Variants in TMEM117 observed in about 807,000 individuals in gnomAD.
TMEM117 encodes the protein transmembrane protein 117.
A neutral mutation model predicts 52.4 loss-of-function variants in TMEM117; 27 were observed. That is an observed-to-expected ratio of 0.51 (90% CI 0.38 to 0.71). TMEM117 has a LOEUF of 0.71. Among genes scored for constraint, TMEM117 ranks in the 30% least tolerant of loss-of-function variants. The probability of loss-of-function intolerance (pLI) is 0.00; values close to 1 mark genes in which losing one functional copy is unlikely to be tolerated. For synonymous variants in TMEM117, 215 were observed against 206.3 expected, an observed-to-expected ratio of 1.04 and a Z score of -0.36; for missense variants, 556 against 630.5, an observed-to-expected ratio of 0.88 and a Z score of 1.26.
At chr12:44,079,913 G>A (rs1252896769) in intron 3 of TMEM117, among the ~76,000 whole-genome samples, 5 of 151,060 alleles carry the variant, frequency 3.3e-5, no homozygotes, top group Non-Finnish European at 5.9e-5. Flanking sequence ...AGCCACTCAA[G>A]AGGCTGAGGT....
rs79701686 is a variant in TMEM117, at chr12:44,042,142, A to G, written c.410+97800A>G. Among the ~76,000 whole-genome samples, 1,398 of 152,334 alleles carry G rather than the reference A, an allele frequency of 9.2e-3. 23 individuals carry two copies. Among genetic ancestry groups the G allele is most frequent in the African/African-American group, 0.032 (1,317 of 41,576 alleles). On this transcript the variant is annotated intron_variant, in intron 3 of 7. Transcript: ENST00000266534. The stretch of plus-strand genomic sequence containing the variant: ...CATAGATCTGATGTACAACTTCAGC[A>G]AAGTTTCAAGATACAAGATCAGTGT...
chr12:43,951,967 C>A (rs1945231008), intron 3 of TMEM117, among the ~76,000 whole-genome samples: 1 of 152,202 alleles, frequency 6.6e-6, no homozygotes, highest in Admixed American at 6.5e-5. Flanking sequence ...TGCTGTTCTG[C>A]AGCCTCCACT....
chr12:44,373,860 C>T (rs1324715238), intron 6 of TMEM117, among the ~76,000 whole-genome samples: 3 of 129,398 alleles, frequency 2.3e-5, no homozygotes, highest in Non-Finnish European at 4.7e-5. Context: ...CGGCTCACTA[C>T]AACCTCCGTC....
chr12:44,366,723 A>G (rs1951794699), intron 6 of TMEM117, among the ~76,000 whole-genome samples: 1 of 152,154 alleles, frequency 6.6e-6, no homozygotes, highest in Non-Finnish European at 1.5e-5. Flanking sequence ...TTGTTTCAGA[A>G]CCTGAAGTCT....
chr12:44,348,936 T>C (rs1951527267), intron 6 of TMEM117, among the ~76,000 whole-genome samples: 3 of 152,006 alleles, frequency 2.0e-5, no homozygotes, highest in African/African-American at 7.2e-5. Flanking sequence ...GTCAGAGAGA[T>C]GATTCCTTTA....
At chr12:44,075,773 A>G (rs750532406) in intron 3 of TMEM117, among the ~76,000 whole-genome samples, 14 of 152,154 alleles carry the variant, frequency 9.2e-5, no homozygotes, top group Non-Finnish European at 2.1e-4. Flanking sequence ...GGGGGAAATT[A>G]TAGTACTCTT....
intron 4 of TMEM117, among the ~76,000 whole-genome samples, chr12:44,162,698 C>T (rs1258010454): frequency 1.3e-5 from 2 of 152,132 alleles, no homozygotes; most frequent in Non-Finnish European, 2.9e-5. Flanking sequence ...TGAATGAATA[C>T]TGATGATGCA....
In TMEM117 at chr12:44,130,275, T is replaced by C. The variant is rs1438709827; in HGVS notation, c.411-13250T>C. Among the ~76,000 whole-genome samples, 3 of 152,184 alleles carry C rather than the reference T, an allele frequency of 2.0e-5. No homozygotes were observed. In the East Asian group the frequency reaches 5.8e-4, roughly 29 times the overall value. On this transcript the variant is annotated intron_variant, in intron 3 of 7. Coordinates refer to ENST00000266534, the MANE Select transcript of TMEM117 (RefSeq NM_032256.3). ...TTATAAAATATTATTAAGTGGACAC[T>C]CATGTTGCTCATGTTATCATCACTG... is the stretch of plus-strand genomic sequence containing the variant.
chr12:44,021,037 C>G (rs558913282), intron 3 of TMEM117, among the ~76,000 whole-genome samples: 149 of 152,168 alleles, frequency 9.8e-4, no homozygotes, highest in African/African-American at 4.8e-5. Context: ...ATGGATTTAA[C>G]TATTGTTTTT....
intron 2 of TMEM117, among the ~76,000 whole-genome samples, chr12:43,848,678 G>C (rs189715929): frequency 6.6e-6 from 1 of 152,172 alleles, no homozygotes; most frequent in Admixed American, 6.5e-5. Context: ...TACAGTTAAC[G>C]CAATGATCAC....
At chr12:44,282,011 C>T (rs538374805) in intron 5 of TMEM117, among the ~76,000 whole-genome samples, 18 of 152,216 alleles carry the variant, frequency 1.2e-4, no homozygotes, top group South Asian at 2.1e-4. Context: ...AATTGAATCA[C>T]GGGGGCTGGT....
intron 6 of TMEM117, among the ~76,000 whole-genome samples, chr12:44,371,303 A>G (rs1220545610): frequency 6.6e-6 from 1 of 152,220 alleles, no homozygotes; most frequent in Non-Finnish European, 1.5e-5. Flanking sequence ...TAACATAGAA[A>G]GAAATAAATA....
At chr12:43,994,197 G>A (rs1001467585) in intron 3 of TMEM117, among the ~76,000 whole-genome samples, 10 of 152,220 alleles carry the variant, frequency 6.6e-5, no homozygotes, top group Non-Finnish European at 1.0e-4. Context: ...AGGGACCATC[G>A]TATTAAAAGT....
At chr12:44,344,933 C>G (rs1592707416) in intron 6 of TMEM117, among the ~76,000 whole-genome samples, 1 of 152,000 alleles carries the variant, frequency 6.6e-6, no homozygotes, top group African/African-American at 2.4e-5. Context: ...CATTGCTTCT[C>G]CTGCCCTTGC....
intron 3 of TMEM117, among the ~76,000 whole-genome samples, chr12:44,027,714 G>T (rs965448622): frequency 3.3e-5 from 5 of 152,082 alleles, no homozygotes; most frequent in African/African-American, 4.8e-5. Context: ...GATGGTAGAG[G>T]TTTATATTCT....
chr12:44,005,001 G>C (rs1946172000), intron 3 of TMEM117, among the ~76,000 whole-genome samples: 1 of 152,144 alleles, frequency 6.6e-6, no homozygotes, highest in African/African-American at 2.4e-5. Flanking sequence ...AGTAGACAAA[G>C]CTTATTTTCT....
chr12:43,798,592 G>T, the TMEM117 span: 1 of 1,510,186 alleles, frequency 6.6e-7, no homozygotes, highest in Non-Finnish European at 8.8e-7. Flanking sequence ...GGCTCTGATT[G>T]CAAGAAATAA....
chr12:44,321,031 T>G (rs1161596076), intron 6 of TMEM117, among the ~76,000 whole-genome samples: 1 of 152,220 alleles, frequency 6.6e-6, no homozygotes, highest in African/African-American at 2.4e-5. Context: ...TTTCATTTCT[T>G]TAGAATTTCG....
chr12:43,895,402 C>T (rs374241266), intron 2 of TMEM117, among the ~76,000 whole-genome samples: 18 of 152,156 alleles, frequency 1.2e-4, no homozygotes, highest in East Asian at 3.9e-4. Flanking sequence ...CTATCACTGA[C>T]GCGCATTTAG....
Sources: allele counts gnomAD v4.1 joint callset (sites outside exome capture counted in the v4.1 genomes callset), GRCh38; gene constraint gnomAD v4.1.1; transcripts MANE v1.5; gene names NCBI Gene and HGNC (gene_info 2026-07-23, HGNC 2026-07-21).